SNX29: variants seen among roughly 807,000 people sequenced by gnomAD.
SNX29 encodes sorting nexin-29.
SNX29 carries 78 observed loss-of-function variants against 102.1 expected under a neutral mutation model. The observed-to-expected ratio is 0.76, with a 90% confidence interval of 0.64 to 0.92. The LOEUF (loss-of-function observed/expected upper bound fraction) is 0.92, where lower values mean the gene tolerates loss of function less well. Among genes scored for constraint, SNX29 ranks in the 40% least tolerant of loss-of-function variants. SNX29 has a pLI of 0.00. For synonymous variants in SNX29, 580 were observed against 414.5 expected (o/e 1.40, Z -4.85); for missense variants, 1,280 against 1,061.7 (o/e 1.21, Z -2.86).
At chr16:12,558,190 T>G (rs971190576) in intron 20 of SNX29, among the ~76,000 whole-genome samples, 3 of 150,690 alleles carry the variant, frequency 2.0e-5, no homozygotes, top group Non-Finnish European at 3.0e-5. Flanking sequence ...TTTTAATAAT[T>G]ACGGTTTACT....
At chr16:12,453,843 G>T (rs551027160) in intron 18 of SNX29, among the ~76,000 whole-genome samples, 1 of 152,164 alleles carries the variant, frequency 6.6e-6, no homozygotes, top group Non-Finnish European at 1.5e-5. Context: ...GGCAGGGAAG[G>T]TATCTTTGGA....
At chr16:12,159,727 T>A (rs2055701829) in intron 13 of SNX29, among the ~76,000 whole-genome samples, 1 of 152,018 alleles carries the variant, frequency 6.6e-6, no homozygotes, top group Non-Finnish European at 1.5e-5. Flanking sequence ...AATAAAAATA[T>A]AAAAAGGAAA....
At chr16:12,417,469 AG>A (rs2084683342) in intron 18 of SNX29, among the ~76,000 whole-genome samples, 1 of 152,114 alleles carries the variant, frequency 6.6e-6, no homozygotes, top group African/African-American at 2.4e-5. Flanking sequence ...AGTGGGTCAG[AG>A]GGGGTGGGTG....
Position 12,168,887 on chromosome 16 carries a change from G to C in SNX29, c.1596-30714G>C, listed in dbSNP as rs972133687. Among the ~76,000 whole-genome samples the C allele has an allele frequency of 2.0e-5, 3 of 152,194 alleles. No individual in the cohort carries two copies. In the East Asian group the frequency reaches 5.8e-4, roughly 29 times the overall value. ...TGCATGCCGGTTTCTTCTTGCCCCA[G>C]ATCATCCGGAGAGAGGGCAGAACCT... is the stretch of plus-strand genomic sequence containing the variant. On this transcript the variant is annotated intron_variant, in intron 13 of 20. Transcript: ENST00000566228.
At chr16:12,540,034 G>C (rs1304151251) in intron 20 of SNX29, among the ~76,000 whole-genome samples, 1 of 152,132 alleles carries the variant, frequency 6.6e-6, no homozygotes, top group Non-Finnish European at 1.5e-5. Context: ...TAATTTTGAT[G>C]AAATTTACTT....
intron 19 of SNX29, among the ~76,000 whole-genome samples, chr16:12,504,673 T>A (rs1319954917): frequency 6.6e-6 from 1 of 152,246 alleles, no homozygotes; most frequent in Non-Finnish European, 1.5e-5. Context: ...ATTACTTTTA[T>A]TGTAATATAT....
At chr16:12,556,797 C>T (rs1434039488) in intron 20 of SNX29, among the ~76,000 whole-genome samples, 1 of 152,088 alleles carries the variant, frequency 6.6e-6, no homozygotes, top group Non-Finnish European at 1.5e-5. Flanking sequence ...AACAGTTGCC[C>T]CCTTTACTAA....
At chr16:12,104,905 CAA>C (rs1297833129) in intron 11 of SNX29, among the ~76,000 whole-genome samples, 1 of 152,224 alleles carries the variant, frequency 6.6e-6, no homozygotes, top group Non-Finnish European at 1.5e-5. Flanking sequence ...GAAAGAATGT[CAA>C]AGACTTGCCT....
intron 15 of SNX29, among the ~76,000 whole-genome samples, chr16:12,329,980 C>T (rs908599626): frequency 3.3e-5 from 5 of 152,278 alleles, no homozygotes; most frequent in East Asian, 1.9e-4. Flanking sequence ...TGGGCTGTTG[C>T]GTCTGAGACA....
At chr16:12,560,135 T>TCCCCCC (rs57116555) in intron 20 of SNX29, among the ~76,000 whole-genome samples, 440 of 134,922 alleles carry the variant, frequency 3.3e-3, no homozygotes, top group Non-Finnish European at 3.9e-3. Context: ...TGTGTTCCCC[T>TCCCCCC]CCCCCCCCCA....
At chr16:12,166,896 A>G (rs1887869075) in intron 13 of SNX29, among the ~76,000 whole-genome samples, 1 of 152,208 alleles carries the variant, frequency 6.6e-6, no homozygotes, top group Admixed American at 6.5e-5. Flanking sequence ...TTGCAAAGCA[A>G]AACTCAAGCC....
intron 3 of SNX29, among the ~76,000 whole-genome samples, chr16:12,015,826 T>G (rs1389093921): frequency 6.6e-6 from 1 of 151,028 alleles, no homozygotes; most frequent in Non-Finnish European, 1.5e-5. Context: ...CCTGAGCCAC[T>G]GTGCCCAGCC....
intron 20 of SNX29, among the ~76,000 whole-genome samples, chr16:12,561,571 C>G (rs559875769): frequency 6.6e-6 from 1 of 152,024 alleles, no homozygotes; most frequent in Non-Finnish European, 1.5e-5. Context: ...TTGAGGCTGT[C>G]CGATTAATGT....
In SNX29 at chr16:12,570,333, C is replaced by G. The variant is rs1011569976; in HGVS notation, c.*1704C>G. ...ACATCCTGTAAAGGCAACTTGGTCT[C>G]CCTCCCACTCACCTGCCAACATTGC... On this transcript the variant is annotated 3_prime_UTR_variant, in exon 21 of 21. Transcript: ENST00000566228. 3.0e-5 allele frequency: 24 copies of G among 799,494 alleles called. No homozygotes were observed. The highest frequency in any genetic ancestry group is 1.1e-4 in the Admixed American group (2 of 17,858). The allele number at this position is 799,494 out of a possible 1,614,324, so 49.5% of individuals were successfully genotyped here.
intron 12 of SNX29, among the ~76,000 whole-genome samples, chr16:12,127,077 G>T (rs746517728): frequency 2.6e-4 from 39 of 152,068 alleles, no homozygotes; most frequent in Middle Eastern, 3.4e-3. Flanking sequence ...GACCAGCCTT[G>T]GTGAAACCCC....
chr16:12,180,630 C>T (rs1421064877), intron 13 of SNX29, among the ~76,000 whole-genome samples: 1 of 152,078 alleles, frequency 6.6e-6, no homozygotes, highest in Non-Finnish European at 1.5e-5. Flanking sequence ...ACTACAGGCG[C>T]CCGCCACCAC....
At chr16:12,462,016 T>TGTATACACAC (rs1555544565) in intron 18 of SNX29, among the ~76,000 whole-genome samples, 1 of 65,210 alleles carries the variant, frequency 1.5e-5, no homozygotes, top group East Asian at 4.5e-4. Flanking sequence ...TATATATGTA[T>TGTATACACAC]ACACACACAC....
At chr16:12,051,773 G>A (rs1454558798) in intron 7 of SNX29, 74 bp from the exon 8 acceptor site, 4 of 1,564,212 alleles carry the variant, frequency 2.6e-6, no homozygotes, top group African/African-American at 2.8e-5. Flanking sequence ...ATAACCTGGA[G>A]GTGAGTTGGT....
At chr16:12,087,195 G>A in intron 11 of SNX29, 1 of 153,612 alleles carries the variant, frequency 6.5e-6, no homozygotes, top group South Asian at 2.1e-4. Context: ...AAGAGTTTGA[G>A]ACCAGCCTGG....
Sources: allele counts gnomAD v4.1 joint callset (sites outside exome capture counted in the v4.1 genomes callset), GRCh38; gene constraint gnomAD v4.1.1; transcripts MANE v1.5; gene names NCBI Gene and HGNC (gene_info 2026-07-23, HGNC 2026-07-21).